MAF: variants seen among roughly 807,000 people sequenced by gnomAD.
The protein encoded by MAF is transcription factor Maf.
MAF carries 10 observed loss-of-function variants against 22.0 expected under a neutral mutation model. The observed-to-expected ratio is 0.45, with a 90% CI of 0.28 to 0.77. The LOEUF (loss-of-function observed/expected upper bound fraction) is 0.77, where lower values mean the gene tolerates loss of function less well. Ranked by LOEUF, MAF falls within the 30% of genes least tolerant of loss-of-function variation. MAF has a pLI of 0.12. For missense variants in MAF, 544 were observed against 548.4 expected, an observed-to-expected ratio of 0.99 and a Z score of 0.08; for synonymous variants, 337 against 255.8, an observed-to-expected ratio of 1.32 and a Z score of -3.03.
At chr16:79,587,242 A>G (rs753132973) in intron 1 of MAF, among the ~76,000 whole-genome samples, 6 of 152,094 alleles carry the variant, frequency 3.9e-5, no homozygotes, top group Non-Finnish European at 5.9e-5. Flanking sequence ...GGTAGAAACT[A>G]CTCGCCTTTA....
At position 79,599,791 on chromosome 16, in the gene MAF, C is replaced by G; in HGVS notation, c.112G>C (p.Glu38Gln). 6.2e-7 allele frequency: 1 copy of G among 1,613,102 alleles called. No individual in the cohort carries two copies. The highest frequency in any genetic ancestry group is 8.5e-7 in the Non-Finnish European group (1 of 1,179,936). ...CACTGGCTGATGATGCGGTCGGTCT[C>G]CACCGGTTCCTTTTTCACTTCAAAC... ...MKFEVKKEPV[E>Q]TDRIISQCGR... is the part of the protein sequence containing the mutation. The change falls in exon 1 of 2, where the codon GAG becomes CAG. Residue 38 changes from glutamate to glutamine, a missense_variant. By Grantham distance (29) the Glu-to-Gln change is conservative. Transcript: ENST00000326043.
the MAF span, among the ~76,000 whole-genome samples, chr16:79,338,505 G>C: frequency 6.6e-6 from 1 of 152,114 alleles, no homozygotes; most frequent in Admixed American, 6.5e-5. Context: ...CAAATCTCGC[G>C]GTTAAAGATA....
chr16:79,283,059 T>A, the MAF span, among the ~76,000 whole-genome samples: 1 of 152,140 alleles, frequency 6.6e-6, no homozygotes, highest in East Asian at 1.9e-4. Context: ...CTGAGCTCCT[T>A]GAGGGTGGGG....
At chr16:79,227,682 A>G in the MAF span, among the ~76,000 whole-genome samples, 1 of 151,950 alleles carries the variant, frequency 6.6e-6, no homozygotes, top group Non-Finnish European at 1.5e-5. Context: ...GATAAGCTGA[A>G]GTATTGATTT....
chr16:79,574,135 T>A, the MAF span, among the ~76,000 whole-genome samples: 2 of 152,186 alleles, frequency 1.3e-5, no homozygotes, highest in Non-Finnish European at 2.9e-5. Context: ...TAAAACGTAA[T>A]TGTCTTACAA....
the MAF span, among the ~76,000 whole-genome samples, chr16:79,438,390 G>T: frequency 6.6e-6 from 1 of 152,144 alleles, no homozygotes; most frequent in Non-Finnish European, 1.5e-5. Context: ...AACTCAGGAC[G>T]TTTGAAATAT....
At chr16:79,242,685 A>T in the MAF span, among the ~76,000 whole-genome samples, 1 of 152,066 alleles carries the variant, frequency 6.6e-6, no homozygotes, top group Non-Finnish European at 1.5e-5. Flanking sequence ...AGTTGAACTC[A>T]GCTCTGGACC....
the MAF span, among the ~76,000 whole-genome samples, chr16:79,267,285 T>G: frequency 6.6e-6 from 1 of 151,986 alleles, no homozygotes; most frequent in Admixed American, 6.6e-5. Context: ...CTATGGAGGG[T>G]CCAGCTAGCA....
the MAF span, among the ~76,000 whole-genome samples, chr16:79,442,350 A>T: frequency 1.8e-4 from 27 of 152,016 alleles, no homozygotes; most frequent in Middle Eastern, 3.4e-3. Context: ...TCCACAGAAT[A>T]TCCTTTTATT....
intron 1 of MAF, chr16:79,598,462 A>AG (rs1913711123): frequency 1.5e-6 from 2 of 1,292,478 alleles, no homozygotes; most frequent in African/African-American, 3.0e-5. Context: ...GTGTAAAAAA[A>AG]AAAAAAAAAC....
At chr16:79,561,315 CT>C in the MAF span, among the ~76,000 whole-genome samples, 25,593 of 144,520 alleles carry the variant, frequency 0.18, 2,290 homozygotes, top group Middle Eastern at 0.24. Context: ...AGTTTTCTTT[CT>C]TTTTTTTTTT....
the MAF span, among the ~76,000 whole-genome samples, chr16:79,415,149 T>C: frequency 6.6e-6 from 1 of 152,098 alleles, no homozygotes; most frequent in Admixed American, 6.5e-5. Flanking sequence ...CAACCACGGA[T>C]GAGCTCACCC....
At chr16:79,524,956 G>C in the MAF span, among the ~76,000 whole-genome samples, 6 of 152,148 alleles carry the variant, frequency 3.9e-5, no homozygotes, top group Non-Finnish European at 5.9e-5. Flanking sequence ...AGCAGCATTA[G>C]GTTACTTTAA....
the MAF span, among the ~76,000 whole-genome samples, chr16:79,231,799 G>T: frequency 6.6e-6 from 1 of 151,886 alleles, no homozygotes; most frequent in East Asian, 1.9e-4. Context: ...ACGGTGAACT[G>T]TATTTCTATT....
the MAF span, among the ~76,000 whole-genome samples, chr16:79,296,910 C>G: frequency 6.6e-6 from 1 of 152,214 alleles, no homozygotes; most frequent in Non-Finnish European, 1.5e-5. Flanking sequence ...TGGGTGGACT[C>G]TCCTCTGTGC....
chr16:79,543,613 A>G, the MAF span, among the ~76,000 whole-genome samples: 2 of 151,730 alleles, frequency 1.3e-5, no homozygotes, highest in African/African-American at 4.8e-5. Flanking sequence ...GTGCTCCTCA[A>G]CGGTGGCCAA....
At chr16:79,228,848 C>G in the MAF span, among the ~76,000 whole-genome samples, 4 of 151,966 alleles carry the variant, frequency 2.6e-5, no homozygotes, top group South Asian at 6.2e-4. Context: ...TAACAGAAGC[C>G]AGAATGGGAG....
At chr16:79,331,916 G>A in the MAF span, among the ~76,000 whole-genome samples, 1 of 152,266 alleles carries the variant, frequency 6.6e-6, no homozygotes, top group African/African-American at 2.4e-5. Flanking sequence ...CAGTACAGTG[G>A]CATCCTATCT....
At chr16:79,370,756 C>T in the MAF span, among the ~76,000 whole-genome samples, 1 of 152,202 alleles carries the variant, frequency 6.6e-6, no homozygotes, top group African/African-American at 2.4e-5. Flanking sequence ...TGCTCATTCT[C>T]TTGCCTACAT....
Sources: allele counts gnomAD v4.1 joint callset (sites outside exome capture counted in the v4.1 genomes callset), GRCh38; gene constraint gnomAD v4.1.1; transcripts MANE v1.5; gene names NCBI Gene and HGNC (gene_info 2026-07-23, HGNC 2026-07-21).